Variants in PUS1 observed in about 807,000 individuals in gnomAD.
The protein encoded by PUS1 is pseudouridylate synthase 1 homolog.
PUS1 carries 25 observed loss-of-function variants against 38.5 expected under a neutral mutation model. That is an observed-to-expected ratio of 0.65 (90% confidence interval 0.47 to 0.91). The LOEUF (loss-of-function observed/expected upper bound fraction) is 0.91. Among genes scored for constraint, PUS1 ranks in the 40% least tolerant of loss-of-function variants. The probability of loss-of-function intolerance (pLI) is 0.00; values close to 1 mark genes in which losing one functional copy is unlikely to be tolerated. For synonymous variants in PUS1, 282 were observed against 260.4 expected, an observed-to-expected ratio of 1.08 and a Z score of -0.80; for missense variants, 597 against 612.3, an observed-to-expected ratio of 0.97 and a Z score of 0.26.
At chr12:131,942,074 G>A in intron 5 of PUS1, 91 bp downstream of exon 5, 1 of 1,216,298 alleles carries the variant, frequency 8.2e-7, no homozygotes, top group South Asian at 1.3e-5. Context: ...AGAGAAGTGT[G>A]TCACTTCCCC....
At chr12:131,939,338 C>A in intron 4 of PUS1, 63 bp downstream of exon 4, 2 of 1,038,220 alleles carry the variant, frequency 1.9e-6, no homozygotes, top group Non-Finnish European at 2.9e-6. Context: ...AGACACGAGG[C>A]TATGCATGCT....
intron 3 of PUS1, among the ~76,000 whole-genome samples, chr12:131,934,449 C>T (rs1890738859): frequency 6.6e-6 from 1 of 152,226 alleles, no homozygotes; most frequent in African/African-American, 2.4e-5. Context: ...CTGGTCACCT[C>T]TCACAGTGTC....
intron 3 of PUS1, among the ~76,000 whole-genome samples, chr12:131,935,415 C>G (rs1297933055): frequency 6.6e-6 from 1 of 152,214 alleles, no homozygotes. Flanking sequence ...CATTCTAATA[C>G]GTTTTCTCAC....
intron 2 of PUS1, chr12:131,931,433 A>T (rs1490978615): frequency 6.6e-6 from 1 of 152,416 alleles, no homozygotes; most frequent in African/African-American, 2.4e-5. Flanking sequence ...TGCTGGAATT[A>T]CAGGGGTGAG....
In PUS1 at chr12:131,941,311, C is replaced by T. The variant is rs369250859; in HGVS notation, c.564C>T (p.Gly188=). Residue 188 remains glycine (G), a synonymous_variant, in exon 5 of 6, where the codon GGC becomes GGT. Transcript: ENST00000376649. This position sits in a 1 kb window ranked among gnomAD's most constrained non-coding sequence, Gnocchi z 4.4. The part of the protein sequence containing the change: ...IRILGLKRVT[G]GFNSKNRCDA... ...CCCTAGGACTGAAGCGGGTCACGGG[C>T]GGGTTTAACTCCAAGAACAGATGTG... 8.8e-5 allele frequency: 142 copies of T among 1,614,020 alleles called. No homozygotes were observed. Among genetic ancestry groups the T allele is most frequent in the Middle Eastern group, 8.2e-4 (5 of 6,084 alleles).
chr12:131,933,584 C>T (rs975278026), intron 3 of PUS1, among the ~76,000 whole-genome samples: 6 of 152,356 alleles, frequency 3.9e-5, no homozygotes, highest in Admixed American at 2.0e-4. Flanking sequence ...TTGGTTTTCA[C>T]GTCCACCCTG....
chr12:131,937,968 A>T (rs980540137), intron 3 of PUS1, among the ~76,000 whole-genome samples: 2 of 152,082 alleles, frequency 1.3e-5, no homozygotes, highest in South Asian at 2.1e-4. Context: ...CACTCTATCA[A>T]CCTGATAGAG....
chr12:131,942,992 AGGG>A (rs1206289851), intron 5 of PUS1, among the ~76,000 whole-genome samples: 3 of 152,194 alleles, frequency 2.0e-5, no homozygotes, highest in African/African-American at 7.2e-5. Context: ...TTTCATCTGA[AGGG>A]GGTACTCGTG....
At chr12:131,932,063 C>A in intron 2 of PUS1, 112 bp from the exon 3 acceptor site, 1 of 893,316 alleles carries the variant, frequency 1.1e-6, no homozygotes. Context: ...GTAATCTCAG[C>A]ACTTCAGGAG....
Position 131,943,970 on chromosome 12 carries a change from CCAGGAGGTTGGCT to C in PUS1, c.*388_*400del, listed in dbSNP as rs1010318950. ...ATACGGCTGAACAAAAGAGAAAGGC[CCAGGAGGTTGGCT>C]CAGCCTGTAATCCCAGCACTTGGGA... On this transcript the variant is annotated 3_prime_UTR_variant, in exon 6 of 6. Transcript: ENST00000376649. The C allele has an allele frequency of 3.6e-6, 1 of 277,994 alleles. No homozygotes were observed. The highest frequency in any genetic ancestry group is 2.2e-5 in the African/African-American group (1 of 45,422). The allele number at this position is 277,994 out of a possible 1,614,324, so 17.2% of individuals were successfully genotyped here. A position where few individuals can be genotyped will look rare whatever the true frequency, so the allele number is the denominator to read the frequency against.
Position 131,929,599 on chromosome 12 carries a change from GTCAGAAGGAACAGGGC to G in PUS1, c.-122_-107del, listed in dbSNP as rs1890483553. 2.6e-5 allele frequency: 22 copies of G among 839,992 alleles called. No individual in the cohort carries two copies. The East Asian group carries it at 6.8e-4, about 26-fold the overall frequency. The allele number at this position is 839,992 out of a possible 1,614,324, so 52.0% of individuals were successfully genotyped here. ...GGCGCCGGTTTCCCGGAGGTCAGGG[GTCAGAAGGAACAGGGC>G]TGCAGCGTCAGGGTCCGAGAGGTTA... On this transcript the variant is annotated 5_prime_UTR_variant, in exon 1 of 6. Coordinates refer to ENST00000376649, the MANE Select transcript of PUS1 (RefSeq NM_025215.6).
chr12:131,941,594 A>G lies in PUS1; in HGVS notation c.847A>G (p.Arg283Gly). The G allele has an allele frequency of 6.2e-7, 1 of 1,614,192 alleles. No individual in the cohort carries two copies. The highest frequency in any genetic ancestry group is 8.5e-7 in the Non-Finnish European group (1 of 1,180,028). ...GGAGGGCCTGGAGTTTGCGGTGATC[A>G]GGGTGAAGGGCCAGAGCTTCATGAT... ...VREGLEFAVI[R>G]VKGQSFMMHQ... Residue 283 changes from arginine to glycine, a missense_variant, in exon 5 of 6, where the codon AGG becomes GGG. Arg to Gly is a moderately radical substitution (Grantham distance 125). Transcript: ENST00000376649. This position sits in a 1 kb window ranked among gnomAD's most constrained non-coding sequence, Gnocchi z 4.4.
rs761458412 is a variant in PUS1, at chr12:131,939,314, A to G, written c.544+39A>G. ...TGCAGGCGGCCACACACCTGGTTGT[A>G]GATGGTCTTGCAGAGACACGAGGCT... On this transcript the variant is annotated intron_variant, in intron 4 of 5. Transcript: ENST00000376649. 2.3e-6 allele frequency: 3 copies of G among 1,314,148 alleles called. No individual in the cohort carries two copies. The South Asian group carries it at 3.8e-5, about 17-fold the overall frequency. 81.4% of individuals were successfully genotyped at this position (1,314,148 alleles called of 1,614,324 possible).
At position 131,929,669 on chromosome 12, in the gene PUS1, TG is replaced by T. The variant is rs1325755136; in HGVS notation, c.-49del. ...GTCGGCAGAGGCGGAGCTGGGGCAC[TG>T]GGGGTCAGGGGTCGGGGATCAGGGC... On this transcript the variant is annotated 5_prime_UTR_variant, in exon 1 of 6. Transcript: ENST00000376649. 5 of 1,134,174 alleles carry T rather than the reference TG, an allele frequency of 4.4e-6. No homozygotes were observed. The highest frequency in any genetic ancestry group is 3.3e-6 in the Non-Finnish European group (3 of 904,100). The allele number at this position is 1,134,174 out of a possible 1,614,324, so 70.3% of individuals were successfully genotyped here.
At chr12:131,930,537 A>G (rs1406531260) in intron 2 of PUS1, among the ~76,000 whole-genome samples, 1 of 152,172 alleles carries the variant, frequency 6.6e-6, no homozygotes, top group Non-Finnish European at 1.5e-5. Flanking sequence ...GGGGACAGAG[A>G]GCTAAGTATT....
At position 131,932,159 on chromosome 12, in the gene PUS1, T is replaced by C. The variant is rs1279203234; in HGVS notation, c.304-16T>C. 6.2e-7 allele frequency: 1 copy of C among 1,613,380 alleles called. No individual in the cohort carries two copies. Among genetic ancestry groups the C allele is most frequent in the South Asian group, 1.1e-5 (1 of 90,900 alleles). On this transcript the variant is annotated splice_polypyrimidine_tract_variant and intron_variant, in intron 2 of 5. Transcript: ENST00000376649. ...GTCTGCAAAATATAAAATCTGTTTTTGTCTCCTTTTTCCAGAGGAATGTCG... is the reference window on the plus strand; with the variant it reads ...GTCTGCAAAATATAAAATCTGTTTTCGTCTCCTTTTTCCAGAGGAATGTCG...
In PUS1 at chr12:131,943,611, T is replaced by G. The variant is rs761966055; in HGVS notation, c.*25T>G. The G allele has an allele frequency of 5.6e-6, 9 of 1,605,060 alleles. No individual in the cohort carries two copies. The highest frequency in any genetic ancestry group is 2.7e-5 in the African/African-American group (2 of 74,764). ...AGGCGATGGGAGCTGCCCACCAGAG[T>G]GCCTCTGAGCAGCTCACAGTGTGTG... On this transcript the variant is annotated 3_prime_UTR_variant, in exon 6 of 6. Coordinates refer to ENST00000376649, the MANE Select transcript of PUS1 (RefSeq NM_025215.6).
intron 2 of PUS1, among the ~76,000 whole-genome samples, chr12:131,930,914 C>T (rs575910156): frequency 5.7e-4 from 87 of 152,308 alleles, no homozygotes; most frequent in Middle Eastern, 3.4e-3. Context: ...CCTCCTGCCT[C>T]GGCCTTCCTG....
At chr12:131,933,147 G>A (rs1034504205) in intron 3 of PUS1, among the ~76,000 whole-genome samples, 2 of 151,108 alleles carry the variant, frequency 1.3e-5, no homozygotes, top group African/African-American at 2.4e-5. Flanking sequence ...CGGGGACACA[G>A]CAAAACCGTA....
Sources: gnomAD v4.1 joint callset for allele counts (sites outside exome capture counted in the v4.1 genomes callset) on GRCh38, gnomAD v4.1.1 for gene constraint, Gnocchi (gnomAD v3.1) non-coding constraint, MANE v1.5 for transcripts, NCBI Gene and HGNC (gene_info 2026-07-23, HGNC 2026-07-21) for gene names.